MAD1L1: variants seen among roughly 807,000 people sequenced by gnomAD.
MAD1L1 encodes the protein mitotic spindle assembly checkpoint protein MAD1.
Under a neutral mutation model 96.9 loss-of-function variants are expected in MAD1L1, and 95 were observed. The observed-to-expected ratio is 0.98, with a 90% CI of 0.83 to 1.16. MAD1L1 has a LOEUF of 1.16. Ranked by LOEUF, MAD1L1 falls within the 50% of genes most tolerant of loss-of-function variation. The pLI, the probability that MAD1L1 is intolerant of heterozygous loss-of-function variation, is 0.00. For synonymous variants in MAD1L1, 473 were observed against 396.6 expected (o/e 1.19, Z -2.29); for missense variants, 1,007 against 954.4 (o/e 1.06, Z -0.73).
chr7:2,232,507 A>T (rs1045599908), intron 1 of MAD1L1, among the ~76,000 whole-genome samples: 1 of 152,172 alleles, frequency 6.6e-6, no homozygotes, highest in East Asian at 1.9e-4. Context: ...GCGCGCCGGC[A>T]CCCTAGCCCG....
intron 10 of MAD1L1, among the ~76,000 whole-genome samples, chr7:2,211,561 T>C (rs1792950106): frequency 6.6e-6 from 1 of 152,228 alleles, no homozygotes; most frequent in Non-Finnish European, 1.5e-5. Flanking sequence ...GTTTCTCATC[T>C]GGCCAGAGTA....
At chr7:1,897,148 G>A (rs1009812847) in intron 18 of MAD1L1, among the ~76,000 whole-genome samples, 3 of 91,018 alleles carry the variant, frequency 3.3e-5, no homozygotes, top group South Asian at 4.1e-4. Flanking sequence ...TGCAGAAGGA[G>A]GAGGAAGAGC....
Position 1,824,340 on chromosome 7 carries a change from C to T in MAD1L1, c.1999-8112G>A, listed in dbSNP as rs1231925423. 3.2e-5 allele frequency among the ~76,000 whole-genome samples: 4 copies of T among 126,814 alleles called. No homozygotes were observed. The East Asian group carries it at 9.6e-4, about 30-fold the overall frequency. The allele number at this position is 126,814 out of a possible 152,430, so 83.2% of individuals were successfully genotyped here. ...CCAGGAAGCTGCGTGACCCTGGGCA[C>T]ACCGACACACCTCTCTTGAGCCTGG... On this transcript the variant is annotated intron_variant, in intron 18 of 18. Transcript: ENST00000265854.
rs10277909 is a variant in MAD1L1, at chr7:1,904,765, G to C, written c.1808-6375C>G. Among the ~76,000 whole-genome samples, 2 of 123,942 alleles carry C rather than the reference G, an allele frequency of 1.6e-5. 1 individual carries two copies. Among genetic ancestry groups the C allele is most frequent in the African/African-American group, 7.8e-5 (2 of 25,494 alleles). 81.3% of individuals were successfully genotyped at this position (123,942 alleles called of 152,430 possible). On this transcript the variant is annotated intron_variant, in intron 17 of 18. Transcript: ENST00000265854. ...AATCACTGTTCCAGGCAGCAAGCAC[G>C]CAGTGGCCTATTGAAGACGCTCCTG...
chr7:1,829,137 G>A (rs1270590832), intron 18 of MAD1L1, among the ~76,000 whole-genome samples: 6 of 152,252 alleles, frequency 3.9e-5, no homozygotes, highest in African/African-American at 1.2e-4. Flanking sequence ...GGCCTGACAC[G>A]TAGGGCAGGA....
chr7:2,063,729 T>G (rs571826481), intron 12 of MAD1L1, among the ~76,000 whole-genome samples: 110 of 152,274 alleles, frequency 7.2e-4, no homozygotes, highest in African/African-American at 2.5e-3. Context: ...GGCCCTGCCC[T>G]CTTCCCGTGG....
At chr7:1,914,735 T>A (rs1365585580) in intron 17 of MAD1L1, among the ~76,000 whole-genome samples, 2 of 152,186 alleles carry the variant, frequency 1.3e-5, no homozygotes, top group Non-Finnish European at 2.9e-5. Flanking sequence ...TGCCTCAGCC[T>A]CCAGAGTAGC....
At position 2,092,060 on chromosome 7, in the gene MAD1L1, G is replaced by T. The variant is rs542618049; in HGVS notation, c.1074-22722C>A. Among the ~76,000 whole-genome samples, 3 of 152,302 alleles carry T rather than the reference G, an allele frequency of 2.0e-5. No homozygotes were observed. In the South Asian group the frequency reaches 6.2e-4, roughly 32 times the overall value. Reference sequence around the variant, plus strand: ...ACCGTGTTTGGCTTTGTAAAAAGCTGCCACGCTGCCTCAAAGTGGTGGCAC... The same window carrying T: ...ACCGTGTTTGGCTTTGTAAAAAGCTTCCACGCTGCCTCAAAGTGGTGGCAC... On this transcript the variant is annotated intron_variant, in intron 11 of 18. Coordinates refer to ENST00000265854, the MANE Select transcript of MAD1L1 (RefSeq NM_001013836.2).
At chr7:2,143,368 A>G (rs1789137840) in intron 11 of MAD1L1, among the ~76,000 whole-genome samples, 1 of 150,264 alleles carries the variant, frequency 6.7e-6, no homozygotes, top group African/African-American at 2.5e-5. Context: ...CAAGTGCACC[A>G]TAATTCAGAT....
At position 2,043,248 on chromosome 7, in the gene MAD1L1, G is replaced by A. The variant is rs1044291263; in HGVS notation, c.1218+25946C>T. 7.2e-5 allele frequency among the ~76,000 whole-genome samples: 11 copies of A among 152,164 alleles called. No individual in the cohort carries two copies. In the East Asian group the frequency reaches 1.3e-3, roughly 19 times the overall value. On this transcript the variant is annotated intron_variant, in intron 12 of 18. Coordinates refer to ENST00000265854, the MANE Select transcript of MAD1L1 (RefSeq NM_001013836.2). ...TCTGCATCCACGCCCCTGTCCCATC[G>A]GAGGGGCACAGGGTAATACATAGCA...
chr7:1,896,321 G>T (rs573113746), intron 18 of MAD1L1, among the ~76,000 whole-genome samples: 2 of 152,360 alleles, frequency 1.3e-5, no homozygotes, highest in Non-Finnish European at 2.9e-5. Flanking sequence ...GATCCTGGGC[G>T]GGCGGATGAG....
chr7:1,818,311 T>A (rs904190003), intron 18 of MAD1L1, among the ~76,000 whole-genome samples: 5 of 152,218 alleles, frequency 3.3e-5, no homozygotes, highest in African/African-American at 1.2e-4. Context: ...GACCAGAGAA[T>A]AGCTGTTTTC....
chr7:2,092,230 C>A (rs1035055223), intron 11 of MAD1L1, among the ~76,000 whole-genome samples: 1 of 152,172 alleles, frequency 6.6e-6, no homozygotes, highest in South Asian at 2.1e-4. Context: ...TTGCAATCCC[C>A]CAAAGACAAA....
chr7:1,943,192 C>A (rs1406760809), intron 16 of MAD1L1, among the ~76,000 whole-genome samples: 1 of 152,194 alleles, frequency 6.6e-6, no homozygotes, highest in Non-Finnish European at 1.5e-5. Flanking sequence ...GGAGGAAACC[C>A]TCCTAACCTT....
intron 12 of MAD1L1, among the ~76,000 whole-genome samples, chr7:2,064,016 C>T (rs922116887): frequency 1.3e-5 from 2 of 152,166 alleles, no homozygotes; most frequent in African/African-American, 2.4e-5. Flanking sequence ...GAGCCTCTCC[C>T]GTAGCAGGCC....
intron 10 of MAD1L1, among the ~76,000 whole-genome samples, chr7:2,161,965 C>CG (rs1252898435): frequency 1.4e-5 from 2 of 143,980 alleles, no homozygotes; most frequent in East Asian, 4.4e-4. Context: ...CCACCCCGTC[C>CG]GGGAGGTGGG....
chr7:1,862,894 C>A (rs1784598672), intron 18 of MAD1L1, among the ~76,000 whole-genome samples: 1 of 152,230 alleles, frequency 6.6e-6, no homozygotes, highest in South Asian at 2.1e-4. Flanking sequence ...TACTTGCCGG[C>A]CGTAGAAAGG....
chr7:2,085,135 C>T (rs1415983949), intron 11 of MAD1L1, among the ~76,000 whole-genome samples: 3 of 152,202 alleles, frequency 2.0e-5, no homozygotes, highest in Admixed American at 1.3e-4. Context: ...TTCGTTACTG[C>T]AGCTCACATG....
At chr7:1,822,673 C>G (rs372227419) in intron 18 of MAD1L1, among the ~76,000 whole-genome samples, 2 of 151,552 alleles carry the variant, frequency 1.3e-5, no homozygotes, top group East Asian at 3.9e-4. Flanking sequence ...ATCCTTTTGC[C>G]TTGGCTTCCC....
Sources: gnomAD v4.1 joint callset for allele counts (sites outside exome capture counted in the v4.1 genomes callset) on GRCh38, gnomAD v4.1.1 for gene constraint, MANE v1.5 for transcripts, NCBI Gene and HGNC (gene_info 2026-07-23, HGNC 2026-07-21) for gene names.